Variants in ANKS1B observed in about 807,000 individuals in gnomAD.
The protein encoded by ANKS1B is ankyrin repeat and sterile alpha motif domain containing 1B, also known as ankyrin repeat and sterile alpha motif domain-containing protein 1B.
In ANKS1B, 36 loss-of-function variants were observed where a neutral mutation model predicts 148.3. That is an observed-to-expected ratio of 0.24 (90% CI 0.19 to 0.32). ANKS1B has a LOEUF of 0.32. Among genes scored for constraint, ANKS1B ranks in the 10% least tolerant of loss-of-function variants. The pLI is 1.00. For synonymous variants in ANKS1B, 542 were observed against 560.8 expected (o/e 0.97, Z 0.47); for missense variants, 1,157 against 1,542.6 (o/e 0.75, Z 4.19).
At chr12:99,824,902 C>G (rs973442837) in intron 2 of ANKS1B, among the ~76,000 whole-genome samples, 11 of 152,044 alleles carry the variant, frequency 7.2e-5, no homozygotes, top group African/African-American at 2.7e-4. Flanking sequence ...GTGACCAGGG[C>G]TCAGAATAGT....
intron 17 of ANKS1B, among the ~76,000 whole-genome samples, chr12:98,888,946 T>C (rs1485600073): frequency 6.6e-6 from 1 of 152,244 alleles, no homozygotes; most frequent in Non-Finnish European, 1.5e-5. Flanking sequence ...TATCTCCTGC[T>C]CAAAGAATGT....
chr12:99,096,493 G>C (rs1287530170), intron 15 of ANKS1B, among the ~76,000 whole-genome samples: 1 of 152,100 alleles, frequency 6.6e-6, no homozygotes, highest in Non-Finnish European at 1.5e-5. Context: ...TGATCGCTGT[G>C]GGCAGACAGG....
intron 9 of ANKS1B, among the ~76,000 whole-genome samples, chr12:99,529,260 C>G (rs771181802): frequency 2.0e-5 from 3 of 152,150 alleles, no homozygotes; most frequent in African/African-American, 7.2e-5. Flanking sequence ...ATGTAGTTCA[C>G]CAATAAGAAG....
At chr12:99,664,582 T>TAAAG (rs1282700406) in intron 8 of ANKS1B, among the ~76,000 whole-genome samples, 1 of 149,520 alleles carries the variant, frequency 6.7e-6, no homozygotes, top group Non-Finnish European at 1.5e-5. Flanking sequence ...AAGGGGAGAG[T>TAAAG]AAAGAAAGAA....
intron 12 of ANKS1B, among the ~76,000 whole-genome samples, chr12:99,342,898 T>C (rs2090139376): frequency 6.6e-6 from 1 of 151,954 alleles, no homozygotes; most frequent in South Asian, 2.1e-4. Flanking sequence ...CTTTAGAAAT[T>C]TGCCTAAAGC....
rs142198755 is a variant in ANKS1B at position 99,435,440 on chromosome 12, A to T, written c.1575+8233T>A. Among the ~76,000 whole-genome samples the T allele has an allele frequency of 5.3e-4, 80 of 152,246 alleles. 1 individual carries two copies. Among genetic ancestry groups the T allele is most frequent in the African/African-American group, 1.9e-3 (78 of 41,574 alleles). On this transcript the variant is annotated intron_variant, in intron 11 of 26. Coordinates refer to ENST00000683438, the MANE Select transcript of ANKS1B (RefSeq NM_001352186.2). ...ACATTTTCTAAAATCCACAGTTGCC[A>T]TGATCAGAGCTACTTGGGGATGACA...
chr12:99,002,155 G>T (rs997583861), intron 17 of ANKS1B, among the ~76,000 whole-genome samples: 1 of 152,096 alleles, frequency 6.6e-6, no homozygotes, highest in Non-Finnish European at 1.5e-5. Context: ...CTTTCCTTTG[G>T]ATATAGACCC....
At chr12:99,058,885 C>G (rs1408538877) in intron 16 of ANKS1B, among the ~76,000 whole-genome samples, 2 of 150,672 alleles carry the variant, frequency 1.3e-5, no homozygotes, top group Non-Finnish European at 3.0e-5. Context: ...CTACAGGCGC[C>G]CGCTACCACG....
intron 10 of ANKS1B, among the ~76,000 whole-genome samples, chr12:99,469,286 G>T (rs1403479492): frequency 9.0e-6 from 1 of 111,274 alleles, no homozygotes; most frequent in Non-Finnish European, 1.7e-5. Flanking sequence ...TCTGGGGACT[G>T]TTGTGGGGTG....
chr12:99,683,355 T>C (rs1329169467), intron 8 of ANKS1B, among the ~76,000 whole-genome samples: 3 of 152,098 alleles, frequency 2.0e-5, no homozygotes, highest in Admixed American at 6.6e-5. Flanking sequence ...AACACCTATA[T>C]GCTCACAAAG....
At chr12:99,578,590 C>T (rs918521242) in intron 9 of ANKS1B, among the ~76,000 whole-genome samples, 1 of 151,946 alleles carries the variant, frequency 6.6e-6, no homozygotes, top group African/African-American at 2.4e-5. Flanking sequence ...GAATGCAATC[C>T]CAATCACAAC....
At chr12:99,256,488 A>G (rs1868897961) in intron 12 of ANKS1B, among the ~76,000 whole-genome samples, 2 of 152,042 alleles carry the variant, frequency 1.3e-5, no homozygotes, top group African/African-American at 4.8e-5. Flanking sequence ...TTTACTCACA[A>G]TTCGTTCCTC....
chr12:98,812,264 T>C (rs1032696288), intron 19 of ANKS1B, among the ~76,000 whole-genome samples: 10 of 152,122 alleles, frequency 6.6e-5, no homozygotes, highest in African/African-American at 2.4e-4. Flanking sequence ...CAGACTTAGG[T>C]ATGTTTAGAT....
intron 12 of ANKS1B, among the ~76,000 whole-genome samples, chr12:99,296,023 G>A (rs2080824898): frequency 1.3e-5 from 2 of 152,086 alleles, no homozygotes; most frequent in South Asian, 2.1e-4. Context: ...TATGGTATAA[G>A]GTATAGATGA....
chr12:99,804,327 A>G (rs2067326701), intron 4 of ANKS1B, among the ~76,000 whole-genome samples: 1 of 152,192 alleles, frequency 6.6e-6, no homozygotes, highest in African/African-American at 2.4e-5. Flanking sequence ...ATACCTACTT[A>G]TTTTCAATAC....
chr12:99,903,267 G>A (rs1305594037), intron 1 of ANKS1B, among the ~76,000 whole-genome samples: 2 of 152,134 alleles, frequency 1.3e-5, no homozygotes, highest in Non-Finnish European at 2.9e-5. Context: ...TGGTCTAGAT[G>A]AAACCAACAA....
chr12:99,107,768 G>A (rs1026325912), intron 15 of ANKS1B, among the ~76,000 whole-genome samples: 2 of 152,144 alleles, frequency 1.3e-5, no homozygotes, highest in African/African-American at 4.8e-5. Context: ...CCTCTGTCAG[G>A]CTGCAATAAT....
chr12:99,214,936 C>A (rs1032690294), intron 14 of ANKS1B, among the ~76,000 whole-genome samples: 1 of 152,186 alleles, frequency 6.6e-6, no homozygotes, highest in Non-Finnish European at 1.5e-5. Flanking sequence ...AGCAAAGAGA[C>A]TAGTGGCATT....
chr12:99,029,461 C>T (rs1337329674), intron 17 of ANKS1B, among the ~76,000 whole-genome samples: 1 of 152,200 alleles, frequency 6.6e-6, no homozygotes, highest in Non-Finnish European at 1.5e-5. Flanking sequence ...CTGAGGTTAC[C>T]TGTATGAAGG....
Sources: allele counts gnomAD v4.1 joint callset (sites outside exome capture counted in the v4.1 genomes callset), GRCh38; gene constraint gnomAD v4.1.1; transcripts MANE v1.5; gene names NCBI Gene and HGNC (gene_info 2026-07-23, HGNC 2026-07-21).